LRP1B: variants seen among roughly 807,000 people sequenced by gnomAD.
LRP1B encodes LDL receptor related protein 1B, also known as low-density lipoprotein receptor-related protein 1B.
Under a neutral mutation model 556.6 loss-of-function variants are expected in LRP1B, and 217 were observed. The observed-to-expected ratio is 0.39, with a 90% CI of 0.35 to 0.44. The LOEUF (loss-of-function observed/expected upper bound fraction) is 0.44. Among genes scored for constraint, LRP1B ranks in the 20% least tolerant of loss-of-function variants. LRP1B has a pLI of 1.00. For missense variants in LRP1B, 5,053 were observed against 5,620.8 expected, an observed-to-expected ratio of 0.90 and a Z score of 3.23; for synonymous variants, 2,047 against 1,865.8, an observed-to-expected ratio of 1.10 and a Z score of -2.50.
Position 140,665,774 on chromosome 2 carries a change from T to C in LRP1B, c.6799+34476A>G, listed in dbSNP as rs114636209. 9.2e-3 allele frequency among the ~76,000 whole-genome samples: 1,402 copies of C among 152,254 alleles called. 23 individuals are homozygous for C. Among genetic ancestry groups the C allele is most frequent in the African/African-American group, 0.032 (1,309 of 41,550 alleles). ...GCCAACAGGATCCTAAAACGCATGC[T>C]AGATTTTCATAAAGAGTTGTTGTTC... On this transcript the variant is annotated intron_variant, in intron 41 of 90. Transcript: ENST00000389484.
intron 3 of LRP1B, among the ~76,000 whole-genome samples, chr2:141,339,870 C>T (rs1234806322): frequency 1.3e-5 from 2 of 151,978 alleles, no homozygotes; most frequent in Admixed American, 6.6e-5. Context: ...GTGTTTAGTG[C>T]ACTCATCACC....
chr2:140,387,318 T>G (rs1445924223), intron 66 of LRP1B, among the ~76,000 whole-genome samples: 1 of 152,202 alleles, frequency 6.6e-6, no homozygotes, highest in Non-Finnish European at 1.5e-5. Flanking sequence ...GGTATACTTA[T>G]GAAAATTAAA....
chr2:141,015,038 C>T (rs981095826), intron 13 of LRP1B, among the ~76,000 whole-genome samples: 36 of 152,004 alleles, frequency 2.4e-4, no homozygotes, highest in Admixed American at 6.6e-4. Flanking sequence ...TTCTATTGTT[C>T]GACTCACAGT....
intron 41 of LRP1B, among the ~76,000 whole-genome samples, chr2:140,658,197 A>G (rs1206008302): frequency 6.6e-6 from 1 of 152,104 alleles, no homozygotes; most frequent in Non-Finnish European, 1.5e-5. Flanking sequence ...TTGGAATAAA[A>G]AGTTTAAAAG....
intron 66 of LRP1B, among the ~76,000 whole-genome samples, chr2:140,424,804 A>G (rs764343826): frequency 6.6e-6 from 1 of 152,198 alleles, no homozygotes; most frequent in Non-Finnish European, 1.5e-5. Context: ...GAATTGGTCA[A>G]TTCTCTTTTG....
intron 7 of LRP1B, among the ~76,000 whole-genome samples, chr2:141,106,749 C>T (rs1364798331): frequency 6.6e-6 from 1 of 152,114 alleles, no homozygotes; most frequent in East Asian, 1.9e-4. Context: ...CTAAGGAGCC[C>T]CGCTGAACTA....
intron 1 of LRP1B, among the ~76,000 whole-genome samples, chr2:141,837,890 A>G (rs562121781): frequency 3.3e-5 from 5 of 152,282 alleles, no homozygotes; most frequent in African/African-American, 1.2e-4. Context: ...TCAAACTCCC[A>G]GAGAAATATC....
intron 2 of LRP1B, among the ~76,000 whole-genome samples, chr2:141,563,685 C>T (rs1006028397): frequency 1.3e-5 from 2 of 151,926 alleles, no homozygotes; most frequent in African/African-American, 2.4e-5. Flanking sequence ...AAGTAGAAAA[C>T]GTATGGTGTA....
intron 20 of LRP1B, among the ~76,000 whole-genome samples, chr2:140,937,360 C>T (rs968634439): frequency 2.0e-5 from 3 of 151,984 alleles, no homozygotes; most frequent in Admixed American, 2.0e-4. Context: ...AAAACAAATA[C>T]TGTAGGATTC....
intron 35 of LRP1B, among the ~76,000 whole-genome samples, chr2:140,733,871 G>T (rs772535378): frequency 6.6e-6 from 1 of 152,126 alleles, no homozygotes; most frequent in Non-Finnish European, 1.5e-5. Context: ...ACCAATATTT[G>T]CTGTAAGCAA....
intron 2 of LRP1B, among the ~76,000 whole-genome samples, chr2:141,802,492 T>G (rs1574376951): frequency 6.6e-6 from 1 of 152,192 alleles, no homozygotes; most frequent in African/African-American, 2.4e-5. Flanking sequence ...AAGTCAGTTA[T>G]ATTGCCTGAA....
At chr2:140,465,345 A>C (rs965811361) in intron 60 of LRP1B, among the ~76,000 whole-genome samples, 5 of 152,186 alleles carry the variant, frequency 3.3e-5, no homozygotes, top group African/African-American at 1.2e-4. Flanking sequence ...AAAAATATCC[A>C]AACTGTATCA....
In LRP1B at chr2:140,700,558, G is replaced by A. The variant is rs1300724410; in HGVS notation, c.6491C>T (p.Ser2164Phe). 1.9e-6 allele frequency: 3 copies of A among 1,613,418 alleles called. No individual in the cohort carries two copies. The African/African-American group carries it at 4.0e-5, about 22-fold the overall frequency. ...ATGGGCACAAGCACAAGTTCTCCGG[G>A]AATTTCCTCGATAAAGACAGAGTTG... ...CKQLCLYRGNSRRTCACAHGY... is the reference protein window; with the variant it reads ...CKQLCLYRGNFRRTCACAHGY... Residue 2164 changes from serine to phenylalanine, a missense_variant, in exon 41 of 91, where the codon TCC becomes TTC. Physicochemically the swap from Ser to Phe is radical, Grantham distance 155. Transcript: ENST00000389484.
intron 41 of LRP1B, among the ~76,000 whole-genome samples, chr2:140,609,945 C>T (rs976377662): frequency 1.3e-5 from 2 of 152,126 alleles, no homozygotes; most frequent in African/African-American, 4.8e-5. Context: ...TTACTCCCTG[C>T]CTGCTTCTTC....
intron 3 of LRP1B, among the ~76,000 whole-genome samples, chr2:141,284,433 G>C (rs1246688891): frequency 6.6e-6 from 1 of 152,206 alleles, no homozygotes; most frequent in Non-Finnish European, 1.5e-5. Context: ...ACAGGGATTA[G>C]TTAGGTGGTT....
chr2:142,032,239 A>G (rs1320376969), intron 1 of LRP1B, among the ~76,000 whole-genome samples: 1 of 151,774 alleles, frequency 6.6e-6, no homozygotes, highest in African/African-American at 2.4e-5. Context: ...CTATAGCTTC[A>G]CCTGTTTTTT....
intron 2 of LRP1B, among the ~76,000 whole-genome samples, chr2:141,483,295 T>G (rs1682993862): frequency 6.6e-6 from 1 of 151,122 alleles, no homozygotes; most frequent in African/African-American, 2.4e-5. Context: ...CATGAACTCA[T>G]CATTTTTTAT....
Position 140,923,167 on chromosome 2 carries a change from G to A in LRP1B, c.3137-20C>T, listed in dbSNP as rs1236370539. ...GAATCTCTTAATTTGAAATGAGGAA[G>A]AGAGAAGCAGAGGGGGGCAAGACAG... On this transcript the variant is annotated intron_variant, in intron 20 of 90. Transcript: ENST00000389484. 3 of 1,587,662 alleles carry A rather than the reference G, an allele frequency of 1.9e-6. No individual in the cohort carries two copies. Among genetic ancestry groups the A allele is most frequent in the Admixed American group, 3.4e-5 (2 of 58,838 alleles).
intron 1 of LRP1B, among the ~76,000 whole-genome samples, chr2:141,853,011 AAAAC>A (rs1364539986): frequency 6.6e-6 from 1 of 151,766 alleles, no homozygotes; most frequent in Non-Finnish European, 1.5e-5. Flanking sequence ...GAAATAAAGA[AAAAC>A]AATATCTATA....
Sources: gnomAD v4.1 joint callset for allele counts (sites outside exome capture counted in the v4.1 genomes callset) on GRCh38, gnomAD v4.1.1 for gene constraint, MANE v1.5 for transcripts, NCBI Gene and HGNC (gene_info 2026-07-23, HGNC 2026-07-21) for gene names.